The following ZFP1 variants were observed in gnomAD, a reference collection of about 807,000 sequenced individuals.
ZFP1 encodes ZFP1 zinc finger protein.
In ZFP1, 32 loss-of-function variants were observed where a neutral mutation model predicts 38.5. The ratio of observed to expected loss-of-function variants is 0.83; its 90% CI spans 0.63 to 1.12. ZFP1 has a LOEUF of 1.12. Ranked by LOEUF, ZFP1 falls within the 50% of genes most tolerant of loss-of-function variation. The pLI is 0.00. For missense variants in ZFP1, 616 were observed against 480.8 expected (o/e 1.28, Z -2.63); for synonymous variants, 245 against 168.8 (o/e 1.45, Z -3.50).
chr16:75,133,857 T>C, the ZFP1 span, among the ~76,000 whole-genome samples: 7 of 152,276 alleles, frequency 4.6e-5, no homozygotes, highest in Non-Finnish European at 8.8e-5. Flanking sequence ...GAGAGCAGCC[T>C]GGCCAACATG....
At chr16:75,125,532 C>A in the ZFP1 span, among the ~76,000 whole-genome samples, 182 of 152,114 alleles carry the variant, frequency 1.2e-3, no homozygotes, top group African/African-American at 4.3e-3. Flanking sequence ...CCATGTTTGT[C>A]AGACTGGTCT....
intron 2 of ZFP1, among the ~76,000 whole-genome samples, chr16:75,163,419 C>T (rs2037892155): frequency 6.6e-6 from 1 of 151,900 alleles, no homozygotes; most frequent in Non-Finnish European, 1.5e-5. Flanking sequence ...TCAAGCAATT[C>T]TCCTGCCTCA....
At chr16:75,120,671 G>A in the ZFP1 span, among the ~76,000 whole-genome samples, 1 of 151,786 alleles carries the variant, frequency 6.6e-6, no homozygotes, top group South Asian at 2.1e-4. Flanking sequence ...GCGCAATCTC[G>A]GCTCACTGCA....
At chr16:75,137,695 T>C in the ZFP1 span, among the ~76,000 whole-genome samples, 2 of 151,894 alleles carry the variant, frequency 1.3e-5, no homozygotes, top group Admixed American at 1.3e-4. Flanking sequence ...CTCGATCTCC[T>C]GACCTCGTGA....
chr16:75,125,010 C>A, the ZFP1 span, among the ~76,000 whole-genome samples: 1 of 151,742 alleles, frequency 6.6e-6, no homozygotes, highest in Non-Finnish European at 1.5e-5. Flanking sequence ...GTCTGGAATC[C>A]CAACACTTTG....
At chr16:75,165,743 G>A (rs2038041465) in intron 2 of ZFP1, among the ~76,000 whole-genome samples, 1 of 151,068 alleles carries the variant, frequency 6.6e-6, no homozygotes, top group Non-Finnish European at 1.5e-5. Flanking sequence ...TGTACTTATT[G>A]TACTTGGGGT....
chr16:75,123,776 C>G, the ZFP1 span, among the ~76,000 whole-genome samples: 1 of 149,572 alleles, frequency 6.7e-6, no homozygotes, highest in African/African-American at 2.4e-5. Flanking sequence ...CCACACAGGC[C>G]AAAAACATTC....
chr16:75,165,515 C>T (rs2038024347), intron 2 of ZFP1, among the ~76,000 whole-genome samples: 1 of 152,096 alleles, frequency 6.6e-6, no homozygotes, highest in Admixed American at 6.6e-5. Flanking sequence ...CTGTCCCAGC[C>T]TCCCGAGTAG....
At position 75,170,157 on chromosome 16, in the gene ZFP1, G is replaced by C. The variant is rs139182426; in HGVS notation, c.1047G>C (p.Glu349Asp). Residue 349 changes from glutamate to aspartate, a missense_variant, in exon 4 of 4, where the codon GAG becomes GAC. Glu to Asp is a conservative substitution (Grantham distance 45, BLOSUM62 2). Transcript: ENST00000570010. ...LIIHMRTHTG[E>D]KPYECTECGK... Reference sequence around the variant, plus strand: ...TACACATGAGAACTCATACAGGAGAGAAACCCTATGAATGTACTGAGTGCG... The same window carrying C: ...TACACATGAGAACTCATACAGGAGACAAACCCTATGAATGTACTGAGTGCG... The C allele has an allele frequency of 1.2e-6, 2 of 1,614,038 alleles. No homozygotes were observed. The highest frequency in any genetic ancestry group is 1.7e-6 in the Non-Finnish European group (2 of 1,180,018).
Position 75,169,964 on chromosome 16 carries a change from C to A in ZFP1, c.854C>A (p.Thr285Lys). ...KTFAQKFELTTHQRIHTGERP... is the reference protein window; with the variant it reads ...KTFAQKFELTKHQRIHTGERP... The stretch of plus-strand genomic sequence containing the variant: ...TTTGCCCAAAAGTTTGAACTCACCA[C>A]ACACCAGAGAATTCATACAGGAGAG... Residue 285 changes from threonine to lysine, a missense_variant, in exon 4 of 4, where the codon ACA becomes AAA. Thr to Lys is a moderately conservative substitution (Grantham distance 78, BLOSUM62 -1). Transcript: ENST00000570010. 1 of 1,614,132 alleles carries A rather than the reference C, an allele frequency of 6.2e-7. No individual in the cohort carries two copies. The highest frequency in any genetic ancestry group is 8.5e-7 in the Non-Finnish European group (1 of 1,180,020).
chr16:75,148,809 G>C (rs1385878392), intron 1 of ZFP1, 166 bp downstream of exon 1: 1 of 152,294 alleles, frequency 6.6e-6, no homozygotes, highest in Non-Finnish European at 1.5e-5. Context: ...GCCTCTGAAC[G>C]GGGCCGGCGG....
At chr16:75,165,041 G>T (rs1232864997) in intron 2 of ZFP1, among the ~76,000 whole-genome samples, 1 of 152,096 alleles carries the variant, frequency 6.6e-6, no homozygotes, top group African/African-American at 2.4e-5. Context: ...ATGACCTCAG[G>T]TGATCCACCC....
At chr16:75,150,909 C>G (rs982749711) in intron 1 of ZFP1, among the ~76,000 whole-genome samples, 2 of 152,162 alleles carry the variant, frequency 1.3e-5, no homozygotes, top group Admixed American at 6.5e-5. Context: ...TCTGCAACCT[C>G]AAACCTTTTG....
intron 2 of ZFP1, among the ~76,000 whole-genome samples, chr16:75,153,239 A>C (rs368080119): frequency 6.6e-6 from 1 of 152,228 alleles, no homozygotes; most frequent in Non-Finnish European, 1.5e-5. Context: ...AGAAACAACC[A>C]ACTTTGAAAG....
At chr16:75,151,740 GTATC>G (rs2037214201) in intron 1 of ZFP1, among the ~76,000 whole-genome samples, 1 of 150,186 alleles carries the variant, frequency 6.7e-6, no homozygotes, top group Non-Finnish European at 1.5e-5. Flanking sequence ...GCAAGAAAAA[GTATC>G]TATTGTGTTG....
At chr16:75,168,600 G>A (rs903890155) in intron 3 of ZFP1, among the ~76,000 whole-genome samples, 3 of 152,156 alleles carry the variant, frequency 2.0e-5, no homozygotes, top group Non-Finnish European at 2.9e-5. Context: ...GGTAAGGGTT[G>A]TGTATCTCTT....
At chr16:75,148,834 A>G (rs1410854476) in intron 1 of ZFP1, 191 bp downstream of exon 1, 1 of 152,242 alleles carries the variant, frequency 6.6e-6, no homozygotes, top group African/African-American at 2.4e-5. Context: ...CGCCTGGCCG[A>G]ACGTGCGGGG....
chr16:75,154,532 A>G (rs2145511629), intron 2 of ZFP1, among the ~76,000 whole-genome samples: 1 of 150,732 alleles, frequency 6.6e-6, no homozygotes, highest in Admixed American at 6.6e-5. Flanking sequence ...ATGTGGCTGT[A>G]CCATTTTACA....
chr16:75,141,248 G>C, the ZFP1 span, among the ~76,000 whole-genome samples: 1 of 133,556 alleles, frequency 7.5e-6, no homozygotes, highest in Non-Finnish European at 1.5e-5. Flanking sequence ...TGTCGCCCAG[G>C]CTGGAGTGCA....
Sources: gnomAD v4.1 joint callset for allele counts (sites outside exome capture counted in the v4.1 genomes callset) on GRCh38, gnomAD v4.1.1 for gene constraint, MANE v1.5 for transcripts, NCBI Gene and HGNC (gene_info 2026-07-23, HGNC 2026-07-21) for gene names.